GALNTL6: variants seen among roughly 807,000 people sequenced by gnomAD.
GALNTL6 encodes the protein polypeptide N-acetylgalactosaminyltransferase like 6.
In GALNTL6, 46 loss-of-function variants were observed where a neutral mutation model predicts 73.7. The ratio of observed to expected loss-of-function variants is 0.62; its 90% CI spans 0.49 to 0.80. The LOEUF (loss-of-function observed/expected upper bound fraction) is 0.80, where lower values mean the gene tolerates loss of function less well. GALNTL6 is among the 30% of genes least tolerant of loss of function. The pLI is 0.00. For missense variants in GALNTL6, 604 were observed against 755.0 expected (o/e 0.80, Z 2.34); for synonymous variants, 259 against 263.7 (o/e 0.98, Z 0.17).
chr4:172,573,920 A>G (rs1736862191), intron 5 of GALNTL6, among the ~76,000 whole-genome samples: 2 of 152,128 alleles, frequency 1.3e-5, no homozygotes, highest in Admixed American at 6.5e-5. Context: ...ACATTTCTCA[A>G]CTTGTTTAAG....
chr4:171,851,617 C>T (rs1735525669), intron 2 of GALNTL6, among the ~76,000 whole-genome samples: 1 of 152,094 alleles, frequency 6.6e-6, no homozygotes, highest in Non-Finnish European at 1.5e-5. Context: ...CTATTCTTCA[C>T]TTCCTACAGA....
At chr4:172,317,882 A>G (rs1387310384) in intron 4 of GALNTL6, among the ~76,000 whole-genome samples, 1 of 152,230 alleles carries the variant, frequency 6.6e-6, no homozygotes, top group Admixed American at 6.5e-5. Flanking sequence ...CAACAAGTTT[A>G]CAAGTGAATT....
intron 5 of GALNTL6, among the ~76,000 whole-genome samples, chr4:172,455,632 C>T (rs1732367998): frequency 6.6e-6 from 1 of 152,156 alleles, no homozygotes; most frequent in Non-Finnish European, 1.5e-5. Flanking sequence ...CTCGGCAAAA[C>T]CACTGTAGCC....
intron 5 of GALNTL6, among the ~76,000 whole-genome samples, chr4:172,463,336 G>GA (rs574100286): frequency 1.4e-3 from 184 of 129,412 alleles, no homozygotes; most frequent in South Asian, 0.01. Flanking sequence ...ATGAGAGACA[G>GA]AAAAAAAAAA....
intron 3 of GALNTL6, among the ~76,000 whole-genome samples, chr4:172,307,553 C>T (rs1271910972): frequency 6.6e-6 from 1 of 152,038 alleles, no homozygotes; most frequent in African/African-American, 2.4e-5. Context: ...GATGAGGATC[C>T]AGTTTTGTTC....
chr4:172,734,648 C>T (rs1736348076), intron 5 of GALNTL6, among the ~76,000 whole-genome samples: 1 of 152,162 alleles, frequency 6.6e-6, no homozygotes, highest in Non-Finnish European at 1.5e-5. Context: ...CAGAGCACCT[C>T]CTGGTTGCTT....
intron 2 of GALNTL6, among the ~76,000 whole-genome samples, chr4:172,037,857 C>T (rs1161580987): frequency 6.6e-6 from 1 of 152,174 alleles, no homozygotes; most frequent in Admixed American, 6.5e-5. Context: ...TTGGCTCATG[C>T]CTGTAATCCC....
intron 2 of GALNTL6, among the ~76,000 whole-genome samples, chr4:172,018,892 G>A (rs1213067394): frequency 6.6e-6 from 1 of 152,074 alleles, no homozygotes; most frequent in Non-Finnish European, 1.5e-5. Context: ...GTGCAAGCTG[G>A]AGAATGGGAG....
intron 5 of GALNTL6, among the ~76,000 whole-genome samples, chr4:172,649,413 T>TA (rs1740379090): frequency 6.6e-6 from 1 of 152,212 alleles, no homozygotes; most frequent in Non-Finnish European, 1.5e-5. Flanking sequence ...TTCCAAGTGT[T>TA]ACACTAACCG....
chr4:172,072,781 G>A (rs112534763), intron 2 of GALNTL6, among the ~76,000 whole-genome samples: 5 of 152,260 alleles, frequency 3.3e-5, no homozygotes, highest in African/African-American at 1.2e-4. Context: ...GCCCAAGCCT[G>A]CATAATTTCC....
chr4:172,988,008 C>T (rs1301523220), intron 10 of GALNTL6, among the ~76,000 whole-genome samples: 2 of 152,116 alleles, frequency 1.3e-5, no homozygotes, highest in African/African-American at 4.8e-5. Context: ...AAAATTAATA[C>T]TGGGAGTGGG....
chr4:172,190,410 T>C (rs1346087261), intron 2 of GALNTL6, among the ~76,000 whole-genome samples: 3 of 152,150 alleles, frequency 2.0e-5, no homozygotes, highest in African/African-American at 7.2e-5. Flanking sequence ...CAAATGTGCA[T>C]TACAAGGGAG....
chr4:172,455,799 A>G (rs1732376699), intron 5 of GALNTL6, among the ~76,000 whole-genome samples: 1 of 152,202 alleles, frequency 6.6e-6, no homozygotes. Context: ...TTCCCGCCTG[A>G]TGGCTCTGAA....
intron 2 of GALNTL6, among the ~76,000 whole-genome samples, chr4:171,876,530 G>C (rs1437127199): frequency 6.6e-6 from 1 of 152,156 alleles, no homozygotes; most frequent in East Asian, 1.9e-4. Context: ...TGTTAGCAAA[G>C]TTAGTGAAAT....
chr4:171,828,323 T>C (rs536420638), intron 2 of GALNTL6, among the ~76,000 whole-genome samples: 5 of 152,222 alleles, frequency 3.3e-5, no homozygotes, highest in Admixed American at 2.0e-4. Context: ...CAGTAAAACA[T>C]GATATCACAA....
chr4:172,893,347 G>T (rs964881245), intron 8 of GALNTL6, among the ~76,000 whole-genome samples: 10 of 150,202 alleles, frequency 6.7e-5, no homozygotes, highest in South Asian at 4.2e-4. Context: ...GAGAGTGGCG[G>T]GGGGGGGGTC....
At position 172,006,509 on chromosome 4, in the gene GALNTL6, C is replaced by T. The variant is rs1022070415; in HGVS notation, c.138+191791C>T. Reference sequence around the variant, plus strand: ...CAAGGTGGTGGTGCACACCTGCAGTCCCAGCTACTCGGGAGGCTGAGGTTG... The same window carrying T: ...CAAGGTGGTGGTGCACACCTGCAGTTCCAGCTACTCGGGAGGCTGAGGTTG... On this transcript the variant is annotated intron_variant, in intron 2 of 12. Coordinates refer to ENST00000506823, the MANE Select transcript of GALNTL6 (RefSeq NM_001034845.3). Among the ~76,000 whole-genome samples the T allele has an allele frequency of 8.5e-5, 13 of 152,132 alleles. No homozygotes were observed. In the South Asian group the frequency reaches 2.3e-3, roughly 27 times the overall value.
chr4:172,915,486 T>C (rs1747453650), intron 8 of GALNTL6, among the ~76,000 whole-genome samples: 1 of 151,906 alleles, frequency 6.6e-6, no homozygotes, highest in South Asian at 2.1e-4. Flanking sequence ...ATCAACAAAA[T>C]AGATAGATGG....
intron 2 of GALNTL6, among the ~76,000 whole-genome samples, chr4:172,080,518 G>A (rs1357284036): frequency 6.6e-6 from 1 of 151,840 alleles, no homozygotes; most frequent in Non-Finnish European, 1.5e-5. Flanking sequence ...GTGTTAGCAG[G>A]TACATGTATA....
Sources: gnomAD v4.1 joint callset for allele counts (sites outside exome capture counted in the v4.1 genomes callset) on GRCh38, gnomAD v4.1.1 for gene constraint, MANE v1.5 for transcripts, NCBI Gene and HGNC (gene_info 2026-07-23, HGNC 2026-07-21) for gene names.